SAMMSON: variants seen among roughly 807,000 people sequenced by gnomAD.
The protein encoded by SAMMSON is long intergenic non-protein coding RNA 1212.
At chr3:70,141,118 C>G (rs2067526050) in intron 4 of SAMMSON, among the ~76,000 whole-genome samples, 1 of 152,134 alleles carries the variant, frequency 6.6e-6, no homozygotes. Context: ...CATTTCTAGG[C>G]ATTTGTTACA....
chr3:70,280,490 C>T (rs1008057533), intron 6 of SAMMSON, among the ~76,000 whole-genome samples: 11 of 152,152 alleles, frequency 7.2e-5, no homozygotes, highest in African/African-American at 2.7e-4. Flanking sequence ...ACCCTTGCCT[C>T]AAGCCCTGCT....
At chr3:70,191,125 C>T (rs752367176) in intron 4 of SAMMSON, among the ~76,000 whole-genome samples, 1 of 152,054 alleles carries the variant, frequency 6.6e-6, no homozygotes, top group Non-Finnish European at 1.5e-5. Context: ...AAATGAGGAA[C>T]CATAGGCAGA....
intron 7 of SAMMSON, among the ~76,000 whole-genome samples, chr3:70,307,454 G>A (rs556045814): frequency 1.3e-5 from 2 of 152,138 alleles, no homozygotes; most frequent in East Asian, 3.9e-4. Flanking sequence ...TACCCAGAAT[G>A]CTCCTTGGCT....
intron 1 of SAMMSON, among the ~76,000 whole-genome samples, chr3:70,010,897 G>C (rs143480350): frequency 2.0e-5 from 3 of 152,182 alleles, no homozygotes; most frequent in South Asian, 2.1e-4. Context: ...ATAAGATCTC[G>C]TGAGACTCAC....
At chr3:70,158,572 A>C (rs1263896159) in intron 4 of SAMMSON, among the ~76,000 whole-genome samples, 2 of 151,950 alleles carry the variant, frequency 1.3e-5, no homozygotes, top group African/African-American at 2.4e-5. Flanking sequence ...CAAGAAAAGT[A>C]GTACCTTAAG....
At chr3:70,250,495 C>G (rs1701754363) in intron 6 of SAMMSON, among the ~76,000 whole-genome samples, 1 of 151,510 alleles carries the variant, frequency 6.6e-6, no homozygotes, top group African/African-American at 2.4e-5. Flanking sequence ...TAAATCAACT[C>G]CAGGACATTT....
intron 6 of SAMMSON, among the ~76,000 whole-genome samples, chr3:70,290,430 G>C (rs568833211): frequency 6.6e-6 from 1 of 152,208 alleles, no homozygotes. Flanking sequence ...CAGATCTCCA[G>C]CTGCGTACTG....
At chr3:70,420,173 A>G (rs1701300232) in intron 2 of SAMMSON, among the ~76,000 whole-genome samples, 1 of 152,188 alleles carries the variant, frequency 6.6e-6, no homozygotes, top group African/African-American at 2.4e-5. Flanking sequence ...TAGAACTATT[A>G]GCTGTCTCAC....
chr3:70,151,219 G>A (rs1315228339), intron 4 of SAMMSON, among the ~76,000 whole-genome samples: 1 of 152,006 alleles, frequency 6.6e-6, no homozygotes, highest in East Asian at 1.9e-4. Flanking sequence ...GAAGAAAAAG[G>A]GGAAGAAGTT....
chr3:70,262,463 T>C (rs1012864884), intron 6 of SAMMSON, among the ~76,000 whole-genome samples: 11 of 152,204 alleles, frequency 7.2e-5, no homozygotes, highest in African/African-American at 2.7e-4. Context: ...AGACCAGTTA[T>C]AGTAAATGCA....
At chr3:70,209,659 G>A (rs573621426) in intron 4 of SAMMSON, among the ~76,000 whole-genome samples, 1 of 152,148 alleles carries the variant, frequency 6.6e-6, no homozygotes, top group South Asian at 2.1e-4. Context: ...CAAAAGCTTT[G>A]TGCTTGTCCT....
chr3:70,248,530 G>C (rs1006573284), intron 4 of SAMMSON, among the ~76,000 whole-genome samples: 5 of 151,944 alleles, frequency 3.3e-5, no homozygotes, highest in African/African-American at 1.2e-4. Context: ...ATTAAACAAA[G>C]GAGAATTTAA....
intron 2 of SAMMSON, among the ~76,000 whole-genome samples, chr3:70,418,748 AT>A (rs2106772734): frequency 6.6e-6 from 1 of 152,344 alleles, no homozygotes; most frequent in Admixed American, 6.5e-5. Flanking sequence ...CCAGCAGTGT[AT>A]AATTCTCTTC....
chr3:70,292,563 TGTAA>T (rs1332728209), intron 7 of SAMMSON, among the ~76,000 whole-genome samples: 6 of 152,152 alleles, frequency 3.9e-5, no homozygotes, highest in Non-Finnish European at 8.8e-5. Context: ...TTTATAAACT[TGTAA>T]GTATTTTTTA....
intron 3 of SAMMSON, among the ~76,000 whole-genome samples, chr3:70,043,525 G>A (rs2067113401): frequency 6.6e-6 from 1 of 151,994 alleles, no homozygotes; most frequent in African/African-American, 2.4e-5. Flanking sequence ...CCAGACTGTG[G>A]TAGTTGTTTA....
chr3:70,219,457 C>T (rs1701442600), intron 4 of SAMMSON, among the ~76,000 whole-genome samples: 1 of 152,110 alleles, frequency 6.6e-6, no homozygotes. Context: ...GTCACCTTAA[C>T]TGATCCAGAA....
intron 9 of SAMMSON, among the ~76,000 whole-genome samples, chr3:70,372,623 C>A (rs982583633): frequency 1.3e-5 from 2 of 152,120 alleles, no homozygotes. Context: ...TGAGTTTTGA[C>A]AGCTCTTTAC....
At chr3:70,324,486 C>G in intron 7 of SAMMSON, among the ~76,000 whole-genome samples, 1 of 152,122 alleles carries the variant, frequency 6.6e-6, no homozygotes, top group East Asian at 1.9e-4. Flanking sequence ...ATCCCCTCCC[C>G]CTGCACTGCG....
chr3:70,141,605 TAACC>T (rs2067527731), intron 4 of SAMMSON, among the ~76,000 whole-genome samples: 1 of 152,238 alleles, frequency 6.6e-6, no homozygotes, highest in Admixed American at 6.5e-5. Context: ...CACACAAACT[TAACC>T]ATCACAGTAA....
Sources: allele counts gnomAD v4.1 joint callset (sites outside exome capture counted in the v4.1 genomes callset), GRCh38; gene constraint gnomAD v4.1.1; transcripts MANE v1.5; gene names NCBI Gene and HGNC (gene_info 2026-07-23, HGNC 2026-07-21).